Variants in OR4N2 observed in about 807,000 individuals in gnomAD.
OR4N2 encodes the protein olfactory receptor 4N2.
For synonymous variants in OR4N2, 141 were observed against 140.4 expected (o/e 1.00, Z -0.03); for missense variants, 307 against 377.6 (o/e 0.81, Z 1.55).
chr14:19,821,292 G>T (rs1316358508), intron 1 of OR4N2, among the ~76,000 whole-genome samples: 1 of 152,216 alleles, frequency 6.6e-6, no homozygotes, highest in Non-Finnish European at 1.5e-5. Context: ...AGATGAGCTG[G>T]GTACCTCAGT....
chr14:19,811,328 G>A (rs1879290058), intron 1 of OR4N2, among the ~76,000 whole-genome samples: 2 of 152,316 alleles, frequency 1.3e-5, no homozygotes, highest in East Asian at 1.9e-4. Flanking sequence ...CTCACTGCAA[G>A]TTCTGCCTCC....
chr14:19,816,514 G>C (rs1879431664), intron 1 of OR4N2, among the ~76,000 whole-genome samples: 1 of 152,210 alleles, frequency 6.6e-6, no homozygotes, highest in Admixed American at 6.5e-5. Flanking sequence ...ATGGTGTATA[G>C]GAATGTTTGT....
Position 19,815,061 on chromosome 14 carries a change from C to T in OR4N2, c.-10+11217C>T, listed in dbSNP as rs377267930. ...GTATATGTGACCCATTTTCTTTATC[C>T]AGTCTATGATTGATGGGCATTTGGG... On this transcript the variant is annotated intron_variant, in intron 1 of 1. Coordinates refer to ENST00000557677, the MANE Select transcript of OR4N2 (RefSeq NM_001004723.3). Among the ~76,000 whole-genome samples, 13 of 152,348 alleles carry T rather than the reference C, an allele frequency of 8.5e-5. No individual in the cohort carries two copies. In the East Asian group the frequency reaches 1.5e-3, roughly 18 times the overall value.
At chr14:19,810,717 AC>A (rs1174730374) in intron 1 of OR4N2, among the ~76,000 whole-genome samples, 2 of 152,266 alleles carry the variant, frequency 1.3e-5, no homozygotes, top group Admixed American at 1.3e-4. Flanking sequence ...TATAAAGTAG[AC>A]AAACATTAGA....
At chr14:19,817,591 A>G (rs1879457999) in intron 1 of OR4N2, among the ~76,000 whole-genome samples, 1 of 152,172 alleles carries the variant, frequency 6.6e-6, no homozygotes, top group Non-Finnish European at 1.5e-5. Flanking sequence ...TTTCTTCATT[A>G]GTCTGGTTAG....
At chr14:19,823,426 C>T (rs1000511080) in intron 1 of OR4N2, among the ~76,000 whole-genome samples, 1 of 152,166 alleles carries the variant, frequency 6.6e-6, no homozygotes, top group African/African-American at 2.4e-5. Context: ...ATGGTTATTA[C>T]TGAAGAGTGA....
At position 19,804,931 on chromosome 14, in the gene OR4N2, C is replaced by T. The variant is rs559009836; in HGVS notation, c.-10+1087C>T. Among the ~76,000 whole-genome samples, 9 of 152,326 alleles carry T rather than the reference C, an allele frequency of 5.9e-5. No homozygotes were observed. In the East Asian group the frequency reaches 9.6e-4, roughly 16 times the overall value. ...TTAGTTCTTCTTGTTGAGTTTAACC[C>T]TTTACCTTCATGTAATACCCTTCTT... On this transcript the variant is annotated intron_variant, in intron 1 of 1. Coordinates refer to ENST00000557677, the MANE Select transcript of OR4N2 (RefSeq NM_001004723.3).
At position 19,827,438 on chromosome 14, in the gene OR4N2, A is replaced by G; in HGVS notation, c.-9-2A>G. On this transcript the variant is annotated splice_acceptor_variant, in intron 1 of 1. Coordinates refer to ENST00000557677, the MANE Select transcript of OR4N2 (RefSeq NM_001004723.3). LOFTEE classifies it low-confidence loss of function (5UTR_SPLICE). Reference sequence around the variant, plus strand: ...TTAATTCTGCTTCTTAATGTACTGCAGGCCAGGGAAATGGAAAGCGAGAAC... The same window carrying G: ...TTAATTCTGCTTCTTAATGTACTGCGGGCCAGGGAAATGGAAAGCGAGAAC... 1 of 1,567,742 alleles carries G rather than the reference A, an allele frequency of 6.4e-7. No homozygotes were observed. The highest frequency in any genetic ancestry group is 1.2e-5 in the South Asian group (1 of 83,158).
intron 1 of OR4N2, among the ~76,000 whole-genome samples, chr14:19,807,272 A>G (rs747644070): frequency 2.6e-5 from 4 of 152,040 alleles, no homozygotes; most frequent in Non-Finnish European, 5.9e-5. Context: ...AAATACGTAC[A>G]AAAGGTCAGT....
chr14:19,818,120 T>C (rs1278057295), intron 1 of OR4N2, among the ~76,000 whole-genome samples: 1 of 152,264 alleles, frequency 6.6e-6, no homozygotes, highest in Non-Finnish European at 1.5e-5. Context: ...TGTGGTCAAT[T>C]TTATAATAAG....
rs1879760617 is a variant in OR4N2 at position 19,827,934 on chromosome 14, C to T, written c.486C>T (p.Leu162=). 4.3e-6 allele frequency: 7 copies of T among 1,614,230 alleles called. No homozygotes were observed. The highest frequency in any genetic ancestry group is 2.2e-5 in the East Asian group (1 of 44,884). ...TCCACTCCATTATCCAGGTGGTCCT[C>T]ATCCTCCGCTTGCCTTTTTGTGGCC... ...GFVHSIIQVV[L]ILRLPFCGPN... The change falls in exon 2 of 2, where the codon CTC becomes CTT. Residue 162 remains leucine, a synonymous_variant. Transcript: ENST00000557677.
At chr14:19,809,335 A>G (rs1879240946) in intron 1 of OR4N2, among the ~76,000 whole-genome samples, 1 of 152,236 alleles carries the variant, frequency 6.6e-6, no homozygotes, top group African/African-American at 2.4e-5. Context: ...GGTAATTGCA[A>G]CAAAAACCAG....
intron 1 of OR4N2, among the ~76,000 whole-genome samples, chr14:19,806,499 G>A (rs1264153586): frequency 6.6e-6 from 1 of 152,154 alleles, no homozygotes; most frequent in Non-Finnish European, 1.5e-5. Flanking sequence ...TAATGATAAA[G>A]GGTTCAATTC....
chr14:19,805,024 T>C (rs932335095), intron 1 of OR4N2, among the ~76,000 whole-genome samples: 3 of 152,374 alleles, frequency 2.0e-5, no homozygotes, highest in Admixed American at 2.0e-4. Flanking sequence ...CATTTGCTTT[T>C]TTCTGTTTTC....
chr14:19,828,151 A>T lies in OR4N2; in HGVS notation c.703A>T (p.Lys235Ter). ...AGGGTCTTCTTCTGAGGCAAAAAACAAGGCCATGTCCACGTGCATCACCCA... is the reference window on the plus strand; with the variant it reads ...AGGGTCTTCTTCTGAGGCAAAAAACTAGGCCATGTCCACGTGCATCACCCA... ...IRGSSSEAKN[K>*]AMSTCITHII... is the part of the protein sequence containing the mutation. Residue 235 changes from lysine to a stop codon, truncating the protein, a stop_gained, in exon 2 of 2, where the codon AAG (lysine) becomes TAG (stop). Transcript: ENST00000557677. LOFTEE classifies it low-confidence loss of function (END_TRUNC). The T allele has an allele frequency of 6.2e-7, 1 of 1,614,246 alleles. No individual in the cohort carries two copies. The highest frequency in any genetic ancestry group is 8.5e-7 in the Non-Finnish European group (1 of 1,180,042).
At chr14:19,825,116 T>A (rs72663747) in intron 1 of OR4N2, among the ~76,000 whole-genome samples, 1 of 152,066 alleles carries the variant, frequency 6.6e-6, no homozygotes, top group Non-Finnish European at 1.5e-5. Flanking sequence ...AAATATTTTT[T>A]CCTATTACAA....
chr14:19,804,614 C>G (rs1387900606), intron 1 of OR4N2, among the ~76,000 whole-genome samples: 1 of 152,082 alleles, frequency 6.6e-6, no homozygotes, highest in African/African-American at 2.4e-5. Flanking sequence ...GTTTTATGAT[C>G]GATTGTGTGG....
intron 1 of OR4N2, among the ~76,000 whole-genome samples, chr14:19,809,530 A>G (rs1424038062): frequency 6.6e-6 from 1 of 152,136 alleles, no homozygotes; most frequent in African/African-American, 2.4e-5. Flanking sequence ...TCCACTTAAA[A>G]ATGGGCAAAT....
intron 1 of OR4N2, among the ~76,000 whole-genome samples, chr14:19,824,731 T>C (rs1261645184): frequency 6.6e-6 from 1 of 152,274 alleles, no homozygotes; most frequent in Non-Finnish European, 1.5e-5. Context: ...TAATGAACAG[T>C]ATTTATATCT....
Sources: gnomAD v4.1 joint callset for allele counts (sites outside exome capture counted in the v4.1 genomes callset) on GRCh38, gnomAD v4.1.1 for gene constraint, MANE v1.5 for transcripts, NCBI Gene and HGNC (gene_info 2026-07-23, HGNC 2026-07-21) for gene names.